The following LRP6 variants were observed in gnomAD, a reference collection of about 807,000 sequenced individuals.
LRP6 encodes the protein low-density lipoprotein receptor-related protein 6.
Under a neutral mutation model 184.1 loss-of-function variants are expected in LRP6, and 43 were observed. The observed-to-expected ratio is 0.23, with a 90% confidence interval of 0.18 to 0.30. LRP6 has a LOEUF of 0.30. LRP6 is among the 10% of genes least tolerant of loss of function. LRP6 has a pLI of 1.00. For missense variants in LRP6, 1,571 were observed against 2,005.3 expected, an observed-to-expected ratio of 0.78 and a Z score of 4.14; for synonymous variants, 719 against 684.9, an observed-to-expected ratio of 1.05 and a Z score of -0.78.
At chr12:12,229,370 C>CAAAAAAAAAA (rs375650917) in intron 2 of LRP6, among the ~76,000 whole-genome samples, 1 of 61,384 alleles carries the variant, frequency 1.6e-5, no homozygotes, top group Non-Finnish European at 3.8e-5. Context: ...AACTCCATTT[C>CAAAAAAAAAA]AAAAAAAAAA....
intron 4 of LRP6, 123 bp downstream of exon 4, chr12:12,186,800 C>CT (rs1863487303): frequency 2.2e-6 from 2 of 916,752 alleles, no homozygotes; most frequent in Non-Finnish European, 3.6e-6. Flanking sequence ...GATTTTAACT[C>CT]TTTTTTATTC....
intron 17 of LRP6, 96 bp downstream of exon 17, chr12:12,135,079 A>G: frequency 6.3e-7 from 1 of 1,574,820 alleles, no homozygotes; most frequent in Non-Finnish European, 8.7e-7. Context: ...AAGTTAGTAG[A>G]CAGAGCAACT....
chr12:12,141,917 C>T (rs769736121), intron 15 of LRP6, among the ~76,000 whole-genome samples: 11 of 152,014 alleles, frequency 7.2e-5, no homozygotes, highest in Admixed American at 2.0e-4. Context: ...ACTTGTGCCT[C>T]GAATTCTGGA....
At chr12:12,132,610 CA>C (rs1949774933) in intron 17 of LRP6, among the ~76,000 whole-genome samples, 1 of 152,116 alleles carries the variant, frequency 6.6e-6, no homozygotes, top group African/African-American at 2.4e-5. Flanking sequence ...CAAATGACAA[CA>C]AACTTTATTA....
At chr12:12,251,323 T>C (rs1270690067) in intron 1 of LRP6, among the ~76,000 whole-genome samples, 1 of 152,160 alleles carries the variant, frequency 6.6e-6, no homozygotes, top group Non-Finnish European at 1.5e-5. Flanking sequence ...TTTAGTTTTC[T>C]CTGTTAAAAT....
At chr12:12,157,752 C>T (rs1191461181) in intron 12 of LRP6, among the ~76,000 whole-genome samples, 2 of 152,018 alleles carry the variant, frequency 1.3e-5, no homozygotes, top group Non-Finnish European at 1.5e-5. Flanking sequence ...TCATATTGAC[C>T]CAAACCCTAC....
intron 16 of LRP6, among the ~76,000 whole-genome samples, chr12:12,137,451 C>G (rs1949857689): frequency 6.6e-6 from 1 of 151,830 alleles, no homozygotes; most frequent in South Asian, 2.1e-4. Flanking sequence ...TCCTGGGGCT[C>G]ATGGAGATGG....
chr12:12,266,806 C>T lies in LRP6; in HGVS notation c.-71G>A. ...AAGTGGGGGAGGCGAGGAGCCGGGG[C>T]GGCCGCCGCAGCGGCAGGGCTGCAC... On this transcript the variant is annotated 5_prime_UTR_variant, in exon 1 of 23. Coordinates refer to ENST00000261349, the MANE Select transcript of LRP6 (RefSeq NM_002336.3). 5 of 1,300,684 alleles carry T rather than the reference C, an allele frequency of 3.8e-6. No homozygotes were observed. The highest frequency in any genetic ancestry group is 5.5e-6 in the Non-Finnish European group (5 of 911,622). 80.6% of individuals were successfully genotyped at this position (1,300,684 alleles called of 1,614,324 possible).
intron 2 of LRP6, among the ~76,000 whole-genome samples, chr12:12,236,984 C>T (rs1482301789): frequency 8.6e-5 from 13 of 152,012 alleles, no homozygotes; most frequent in Admixed American, 8.5e-4. Context: ...TCTCCCCTGC[C>T]CAAGGATGTG....
intron 1 of LRP6, among the ~76,000 whole-genome samples, chr12:12,251,780 C>T (rs1370047886): frequency 6.6e-6 from 1 of 152,206 alleles, no homozygotes; most frequent in Non-Finnish European, 1.5e-5. Flanking sequence ...TTAATGCTGA[C>T]TTTATCATGT....
chr12:12,246,983 T>C (rs926112372), intron 1 of LRP6, among the ~76,000 whole-genome samples: 1 of 152,224 alleles, frequency 6.6e-6, no homozygotes, highest in Non-Finnish European at 1.5e-5. Flanking sequence ...ACAGCTTTTT[T>C]AAAAAGTGGC....
chr12:12,173,806 T>C (rs1863106844), intron 7 of LRP6, among the ~76,000 whole-genome samples: 1 of 152,068 alleles, frequency 6.6e-6, no homozygotes. Context: ...AATTTTCAAA[T>C]AGGAATTCAC....
chr12:12,174,535 A>G (rs1267701195), intron 7 of LRP6, among the ~76,000 whole-genome samples: 1 of 152,278 alleles, frequency 6.6e-6, no homozygotes, highest in Non-Finnish European at 1.5e-5. Flanking sequence ...TAGATTTATT[A>G]TAATTTCTTA....
intron 17 of LRP6, among the ~76,000 whole-genome samples, chr12:12,133,844 T>TTTGG (rs1555103573): frequency 2.9e-5 from 1 of 34,134 alleles, no homozygotes; most frequent in African/African-American, 9.0e-5. Flanking sequence ...ATGCTATTTT[T>TTTGG]TGGGGGGGGG....
intron 3 of LRP6, among the ~76,000 whole-genome samples, chr12:12,202,635 C>A (rs1863946323): frequency 6.6e-6 from 1 of 152,196 alleles, no homozygotes; most frequent in Admixed American, 6.5e-5. Flanking sequence ...ACTACAGTAG[C>A]AGAAGTAGTT....
At chr12:12,130,428 C>A (rs543958659) in intron 19 of LRP6, among the ~76,000 whole-genome samples, 2 of 151,908 alleles carry the variant, frequency 1.3e-5, no homozygotes, top group East Asian at 3.9e-4. Context: ...TCAAGTGATC[C>A]GCCCACCTTG....
At chr12:12,213,874 G>A (rs1457132625) in intron 2 of LRP6, among the ~76,000 whole-genome samples, 1 of 152,000 alleles carries the variant, frequency 6.6e-6, no homozygotes, top group African/African-American at 2.4e-5. Context: ...ACCAGTCTTG[G>A]ATAATCATGT....
At chr12:12,131,772 G>T in intron 18 of LRP6, 49 bp downstream of exon 18, 2 of 1,509,856 alleles carry the variant, frequency 1.3e-6, no homozygotes, top group East Asian at 2.3e-5. Context: ...TTAAACAACT[G>T]AATGGGAAAA....
chr12:12,239,115 T>C (rs1864994844), intron 2 of LRP6, among the ~76,000 whole-genome samples: 1 of 152,184 alleles, frequency 6.6e-6, no homozygotes, highest in South Asian at 2.1e-4. Context: ...ATCCTTAAGA[T>C]TCCCTTCCAG....
Sources: gnomAD v4.1 joint callset for allele counts (sites outside exome capture counted in the v4.1 genomes callset) on GRCh38, gnomAD v4.1.1 for gene constraint, MANE v1.5 for transcripts, NCBI Gene and HGNC (gene_info 2026-07-23, HGNC 2026-07-21) for gene names.